Variants in ZNF730 observed in about 807,000 individuals in gnomAD.
ZNF730 encodes the protein zinc finger protein 730.
In ZNF730, 12 loss-of-function variants were observed where a neutral mutation model predicts 12.6. The observed-to-expected ratio is 0.95, with a 90% CI of 0.61 to 1.54. The LOEUF (loss-of-function observed/expected upper bound fraction) is 1.54. Among genes scored for constraint, ZNF730 ranks in the 40% most tolerant of loss-of-function variants. The probability of loss-of-function intolerance (pLI) is 0.00; values close to 1 mark genes in which losing one functional copy is unlikely to be tolerated. For missense variants in ZNF730, 643 were observed against 583.5 expected, an observed-to-expected ratio of 1.10 and a Z score of -1.05; for synonymous variants, 194 against 195.8, an observed-to-expected ratio of 0.99 and a Z score of 0.08.
In ZNF730 at chr19:23,145,539, AAGAC is replaced by A; in HGVS notation, c.497_500del (p.Arg166IlefsTer22). 1 of 1,556,482 alleles carries A rather than the reference AAGAC, an allele frequency of 6.4e-7. No individual in the cohort carries two copies. Among genetic ancestry groups the A allele is most frequent in the Non-Finnish European group, 8.7e-7 (1 of 1,151,046 alleles). ...TTTCAAATTCAAACAGACATAAGAT[AAGAC>A]ATACTTCGAAGAAACCTTTCAAATG... On this transcript the variant is annotated frameshift_variant, in exon 4 of 4. Coordinates refer to ENST00000597761, the MANE Select transcript of ZNF730 (RefSeq NM_001277403.2). LOFTEE classifies it low-confidence loss of function (END_TRUNC).
In ZNF730 at chr19:23,117,142, C is replaced by T; in HGVS notation, c.-32C>T. 6.2e-7 allele frequency: 1 copy of T among 1,613,780 alleles called. No homozygotes were observed. Among genetic ancestry groups the T allele is most frequent in the Non-Finnish European group, 8.5e-7 (1 of 1,179,716 alleles). ...CCTGCGGGTATTGGGAGATCCACAG[C>T]TAAGACGCCAGGGCCCCCTGGAAGC... is the stretch of plus-strand genomic sequence containing the variant. On this transcript the variant is annotated 5_prime_UTR_variant, in exon 1 of 4. Coordinates refer to ENST00000597761, the MANE Select transcript of ZNF730 (RefSeq NM_001277403.2).
intron 1 of ZNF730, among the ~76,000 whole-genome samples, chr19:23,128,991 G>A (rs1970708143): frequency 6.6e-6 from 1 of 152,160 alleles, no homozygotes; most frequent in South Asian, 2.1e-4. Context: ...GAGGGTGGAA[G>A]CCCCAAGCCT....
intron 1 of ZNF730, among the ~76,000 whole-genome samples, chr19:23,108,398 G>T (rs1791320881): frequency 6.6e-6 from 1 of 152,012 alleles, no homozygotes; most frequent in South Asian, 2.1e-4. Flanking sequence ...GGTTTAGGAT[G>T]AGGGATGGAT....
In ZNF730 at chr19:23,145,958, T is replaced by G; in HGVS notation, c.914T>G (p.Ile305Ser). The G allele has an allele frequency of 6.2e-7, 1 of 1,606,472 alleles. No individual in the cohort carries two copies. ...QSSNLTEHKK[I>S]HTKEQPYKCE... ...TCAAACCTTACTGAACATAAGAAAA[T>G]TCATACTAAAGAGCAACCATACAAA... The change falls in exon 4 of 4, where the codon ATT (isoleucine) becomes AGT (serine). Residue 305 changes from isoleucine to serine, a missense_variant. Ile to Ser is a moderately radical substitution (Grantham distance 142). Transcript: ENST00000597761.
rs181525686 is a variant in ZNF730, at chr19:23,128,566, T to C, written c.4-5514T>C. ...TAATCCAAACAATTTTCAATGAGGATTTTTTAGATGAAGAAAATAAACTTA... is the reference window on the plus strand; with the variant it reads ...TAATCCAAACAATTTTCAATGAGGACTTTTTAGATGAAGAAAATAAACTTA... On this transcript the variant is annotated intron_variant, in intron 1 of 3. Coordinates refer to ENST00000597761, the MANE Select transcript of ZNF730 (RefSeq NM_001277403.2). 5.2e-4 allele frequency: 117 copies of C among 225,028 alleles called. 1 individual carries two copies. The highest frequency in any genetic ancestry group is 8.4e-4 in the Non-Finnish European group (92 of 109,014). The allele number at this position is 225,028 out of a possible 1,614,324, so 13.9% of individuals were successfully genotyped here.
intron 1 of ZNF730, among the ~76,000 whole-genome samples, 166 bp downstream of exon 1, chr19:23,117,342 G>A (rs555364342): frequency 6.6e-6 from 1 of 152,280 alleles, no homozygotes; most frequent in South Asian, 2.1e-4. Flanking sequence ...GATGGCGGCC[G>A]CGCTGACAGC....
chr19:23,135,283 A>G (rs1262954092), intron 2 of ZNF730, among the ~76,000 whole-genome samples: 2 of 148,590 alleles, frequency 1.3e-5, no homozygotes, highest in Non-Finnish European at 3.0e-5. Context: ...GTCCATGTAG[A>G]AAAGAATTTC....
rs375759861 is a variant in ZNF730 at position 23,081,043 on chromosome 19, G to T, written c.-94+5656G>T. 6.6e-5 allele frequency among the ~76,000 whole-genome samples: 10 copies of T among 150,814 alleles called. No individual in the cohort carries two copies. In the South Asian group the frequency reaches 1.9e-3, roughly 28 times the overall value. On this transcript the variant is annotated intron_variant, in intron 1 of 2. Coordinates refer to the ZNF730 transcript ENST00000593635. ...GAATTTTTCGTAGATACAGTGTTTC[G>T]CCATGTTGGCCAGACTGCTCTCGAA...
At chr19:23,098,484 C>G (rs1970288876) in intron 1 of ZNF730, 1 of 152,158 alleles carries the variant, frequency 6.6e-6, no homozygotes, top group Admixed American at 6.5e-5. Flanking sequence ...TGCCAAACAC[C>G]TAAACGATGG....
At chr19:23,079,847 T>C (rs2145433379) in intron 1 of ZNF730, among the ~76,000 whole-genome samples, 1 of 152,324 alleles carries the variant, frequency 6.6e-6, no homozygotes. Context: ...TATGTAAGTG[T>C]GATTATACAG....
At chr19:23,108,900 C>T (rs1047297936) in intron 1 of ZNF730, among the ~76,000 whole-genome samples, 4 of 152,070 alleles carry the variant, frequency 2.6e-5, no homozygotes, top group Admixed American at 1.3e-4. Flanking sequence ...CAGGTGTGTG[C>T]CACCATGCAC....
At chr19:23,113,431 A>G (rs928072400), upstream of ZNF730, among the ~76,000 whole-genome samples, 1 of 152,232 alleles carries the variant, frequency 6.6e-6, no homozygotes. Context: ...TCAAAGACAT[A>G]TGTAACTATG....
Position 23,080,094 on chromosome 19 carries a change from C to T in ZNF730, c.-94+4707C>T, listed in dbSNP as rs534119122. On this transcript the variant is annotated intron_variant, in intron 1 of 2. Coordinates refer to the ZNF730 transcript ENST00000593635. ...CTGAGTAGCTGGGATTACAGGCACG[C>T]GCCACCATGCCCAGCTAATTTTTGT... Among the ~76,000 whole-genome samples, 23 of 152,072 alleles carry T rather than the reference C, an allele frequency of 1.5e-4. No homozygotes were observed. In the East Asian group the frequency reaches 2.3e-3, roughly 15 times the overall value.
chr19:23,098,972 C>T (rs1343498818), intron 1 of ZNF730, among the ~76,000 whole-genome samples: 1 of 152,148 alleles, frequency 6.6e-6, no homozygotes, highest in Non-Finnish European at 1.5e-5. Flanking sequence ...TTAATACTCT[C>T]GCATATTGTA....
At chr19:23,117,687 C>G (rs1475590936) in intron 1 of ZNF730, among the ~76,000 whole-genome samples, 1 of 152,188 alleles carries the variant, frequency 6.6e-6, no homozygotes, top group South Asian at 2.1e-4. Context: ...GAAGGAAAGA[C>G]TTTCATAAGA....
At chr19:23,125,429 T>A (rs1970651772) in intron 1 of ZNF730, among the ~76,000 whole-genome samples, 1 of 152,154 alleles carries the variant, frequency 6.6e-6, no homozygotes, top group South Asian at 2.1e-4. Flanking sequence ...GATAATGATA[T>A]AGAAAATAAA....
chr19:23,133,270 A>C (rs1014115240), intron 1 of ZNF730, among the ~76,000 whole-genome samples: 1 of 152,160 alleles, frequency 6.6e-6, no homozygotes, highest in Non-Finnish European at 1.5e-5. Context: ...CAGTTACTCC[A>C]TATTTGACAA....
intron 1 of ZNF730, among the ~76,000 whole-genome samples, chr19:23,078,970 A>G (rs1363680145): frequency 6.7e-6 from 1 of 149,584 alleles, no homozygotes; most frequent in Non-Finnish European, 1.5e-5. Context: ...ATGCCTGGCT[A>G]ATTTCTGTAT....
chr19:23,108,181 T>A (rs1421245748), intron 1 of ZNF730, among the ~76,000 whole-genome samples: 1 of 152,208 alleles, frequency 6.6e-6, no homozygotes, highest in East Asian at 1.9e-4. Context: ...CTAAAAATGT[T>A]AATTTACAGC....
Sources: gnomAD v4.1 joint callset for allele counts (sites outside exome capture counted in the v4.1 genomes callset) on GRCh38, gnomAD v4.1.1 for gene constraint, MANE v1.5 for transcripts, NCBI Gene and HGNC (gene_info 2026-07-23, HGNC 2026-07-21) for gene names.